IPMK: variants seen among roughly 807,000 people sequenced by gnomAD.
The protein encoded by IPMK is inositol polyphosphate multikinase, also known as inositol 1,3,4,6-tetrakisphosphate 5-kinase.
Under a neutral mutation model 45.8 loss-of-function variants are expected in IPMK, and 17 were observed. The ratio of observed to expected loss-of-function variants is 0.37; its 90% confidence interval spans 0.25 to 0.56. The LOEUF (loss-of-function observed/expected upper bound fraction) is 0.56. Ranked by LOEUF, IPMK falls within the 20% of genes least tolerant of loss-of-function variation. IPMK has a pLI of 0.79. For missense variants in IPMK, 399 were observed against 498.0 expected, an observed-to-expected ratio of 0.80 and a Z score of 1.89; for synonymous variants, 180 against 184.3, an observed-to-expected ratio of 0.98 and a Z score of 0.19.
At chr10:58,199,133 T>A (rs1176793343) in intron 5 of IPMK, 107 bp downstream of exon 5, 1 of 626,128 alleles carries the variant, frequency 1.6e-6, no homozygotes, top group Non-Finnish European at 2.7e-6. Flanking sequence ...ATTTAAAAAA[T>A]GTTTATTATG....
intron 1 of IPMK, among the ~76,000 whole-genome samples, chr10:58,247,379 A>G (rs1435820416): frequency 6.6e-6 from 1 of 151,548 alleles, no homozygotes; most frequent in African/African-American, 2.4e-5. Flanking sequence ...GGCATTATTC[A>G]CAATAGCAAA....
intron 4 of IPMK, among the ~76,000 whole-genome samples, chr10:58,209,454 G>A (rs575743070): frequency 1.3e-5 from 2 of 152,176 alleles, no homozygotes; most frequent in East Asian, 3.9e-4. Context: ...CTTTGATGTG[G>A]TGCTCTCCCT....
At chr10:58,200,978 C>T (rs1334586928) in intron 4 of IPMK, among the ~76,000 whole-genome samples, 1 of 151,846 alleles carries the variant, frequency 6.6e-6, no homozygotes, top group Non-Finnish European at 1.5e-5. Context: ...CAGTGTTTTT[C>T]CCACGCAGAA....
chr10:58,228,663 A>G (rs1431498811), intron 2 of IPMK, among the ~76,000 whole-genome samples: 4 of 152,196 alleles, frequency 2.6e-5, no homozygotes, highest in Admixed American at 2.6e-4. Context: ...CCTCCCGAGT[A>G]GCTGGGACTA....
chr10:58,237,612 G>C lies in IPMK; in HGVS notation c.276+117C>G, dbSNP rs75080000. ...ACGCACTGCTTTCCATGAAGCTTTT[G>C]TTTCCGTTACATACACACAGTGACT... On this transcript the variant is annotated intron_variant, in intron 2 of 5. Transcript: ENST00000373935. 4,329 of 734,302 alleles carry C rather than the reference G, an allele frequency of 5.9e-3. 122 individuals carry two copies. In the African/African-American group the frequency reaches 0.059, roughly 10 times the overall value. The allele number at this position is 734,302 out of a possible 1,614,324, so 45.5% of individuals were successfully genotyped here. A position where few individuals can be genotyped will look rare whatever the true frequency, so the allele number is the denominator to read the frequency against.
intron 5 of IPMK, among the ~76,000 whole-genome samples, chr10:58,197,578 A>G (rs1837922349): frequency 6.6e-6 from 1 of 151,212 alleles, no homozygotes; most frequent in South Asian, 2.1e-4. Context: ...TGAACCCAGA[A>G]GGCGGAGCTT....
At chr10:58,257,408 T>C (rs940425257) in intron 1 of IPMK, among the ~76,000 whole-genome samples, 1 of 152,072 alleles carries the variant, frequency 6.6e-6, no homozygotes, top group Non-Finnish European at 1.5e-5. Context: ...GGTATGAGAA[T>C]CTCTTGAACT....
rs1838637497 is a variant in IPMK, at chr10:58,237,831, A to C, written c.191-17T>G. On this transcript the variant is annotated splice_polypyrimidine_tract_variant and intron_variant, in intron 1 of 5. Coordinates refer to ENST00000373935, the MANE Select transcript of IPMK (RefSeq NM_152230.5). ...GCAGTATACCTATGGAACAAAAATC[A>C]GAAATTGTTTAATGCTTTAATAATA... 3.8e-6 allele frequency: 6 copies of C among 1,587,382 alleles called. No individual in the cohort carries two copies. The highest frequency in any genetic ancestry group is 1.7e-5 in the Admixed American group (1 of 59,926).
chr10:58,211,901 CAAAAAAAAAAAAA>C lies in IPMK; in HGVS notation c.546+4231_546+4243del, dbSNP rs753050298. On this transcript the variant is annotated intron_variant, in intron 4 of 5. Transcript: ENST00000373935. ...CACTCCAGCCTGGGTGACATCTCAC[CAAAAAAAAAAAAA>C]AAAAAAAAAAATTTGTTTTCATTGT... Among the ~76,000 whole-genome samples, 6 of 50,372 alleles carry C rather than the reference CAAAAAAAAAAAAA, an allele frequency of 1.2e-4. No individual in the cohort carries two copies. In the South Asian group the frequency reaches 2.7e-3, roughly 22 times the overall value. The allele number at this position is 50,372 out of a possible 152,430, so 33.0% of individuals were successfully genotyped here. A position where few individuals can be genotyped will look rare whatever the true frequency, so the allele number is the denominator to read the frequency against.
chr10:58,252,036 T>A (rs1838887612), intron 1 of IPMK, among the ~76,000 whole-genome samples: 1 of 152,160 alleles, frequency 6.6e-6, no homozygotes, highest in Admixed American at 6.5e-5. Context: ...TGTGGTTGTT[T>A]TGTAGATCTT....
rs534729380 is a variant in IPMK at position 58,247,697 on chromosome 10, C to T, written c.191-9883G>A. Reference sequence around the variant, plus strand: ...TGAGGGATAGCATTGGGAGATATACCTAATGCTAGATGGCGAGTTAGTGAG... The same window carrying T: ...TGAGGGATAGCATTGGGAGATATACTTAATGCTAGATGGCGAGTTAGTGAG... On this transcript the variant is annotated intron_variant, in intron 1 of 5. Coordinates refer to ENST00000373935, the MANE Select transcript of IPMK (RefSeq NM_152230.5). Among the ~76,000 whole-genome samples, 3 of 152,214 alleles carry T rather than the reference C, an allele frequency of 2.0e-5. No homozygotes were observed. In the South Asian group the frequency reaches 6.2e-4, roughly 32 times the overall value.
At chr10:58,235,946 TAG>T (rs907424948) in intron 2 of IPMK, among the ~76,000 whole-genome samples, 3 of 151,850 alleles carry the variant, frequency 2.0e-5, no homozygotes, top group African/African-American at 7.3e-5. Context: ...TTTTTTTTTT[TAG>T]AGAGAGTCTC....
rs1349435909 is a variant in IPMK, at chr10:58,207,294, C to G, written c.547-7973G>C. 2.0e-5 allele frequency among the ~76,000 whole-genome samples: 3 copies of G among 152,232 alleles called. No individual in the cohort carries two copies. The East Asian group carries it at 5.8e-4, about 29-fold the overall frequency. ...CTGGGATTACAGGCAATCACATTTT[C>G]TTTATCCATTCATTGGTTGACAGGC... On this transcript the variant is annotated intron_variant, in intron 4 of 5. Transcript: ENST00000373935.
At position 58,199,000 on chromosome 10, in the gene IPMK, T is replaced by A. The variant is rs77983635; in HGVS notation, c.628+240A>T. On this transcript the variant is annotated intron_variant, in intron 5 of 5. Coordinates refer to ENST00000373935, the MANE Select transcript of IPMK (RefSeq NM_152230.5). ...GGTACACAGCTGTTCATTTTTTTTT[T>A]AAGTATATTAATAAGAAATAAATGA... 8.7e-4 allele frequency among the ~76,000 whole-genome samples: 133 copies of A among 152,172 alleles called. 1 individual carries two copies. Among genetic ancestry groups the A allele is most frequent in the African/African-American group, 3.1e-3 (128 of 41,552 alleles).
At chr10:58,228,361 G>A (rs1333422734) in intron 2 of IPMK, among the ~76,000 whole-genome samples, 1 of 152,094 alleles carries the variant, frequency 6.6e-6, no homozygotes, top group Non-Finnish European at 1.5e-5. Flanking sequence ...TCTCTGTAAA[G>A]GCACAGAAAA....
chr10:58,236,962 T>G (rs1447488942), intron 2 of IPMK, among the ~76,000 whole-genome samples: 1 of 152,118 alleles, frequency 6.6e-6, no homozygotes, highest in East Asian at 1.9e-4. Context: ...TTCAGCCACT[T>G]AGGAGGCACA....
chr10:58,264,204 C>T (rs1053762424), intron 1 of IPMK, among the ~76,000 whole-genome samples: 7 of 152,174 alleles, frequency 4.6e-5, no homozygotes, highest in Non-Finnish European at 1.0e-4. Context: ...ATAATGTATG[C>T]AACCTACTTG....
intron 3 of IPMK, among the ~76,000 whole-genome samples, chr10:58,224,644 T>A (rs957774015): frequency 1.3e-5 from 2 of 152,196 alleles, no homozygotes; most frequent in African/African-American, 2.4e-5. Context: ...AATTATTATA[T>A]GATAATTTGT....
intron 5 of IPMK, among the ~76,000 whole-genome samples, chr10:58,197,952 C>G (rs1217416885): frequency 1.5e-5 from 2 of 129,168 alleles, no homozygotes; most frequent in Non-Finnish European, 1.6e-5. Flanking sequence ...TCACCTGAAC[C>G]TGGGAGGTTA....
Sources: gnomAD v4.1 joint callset for allele counts (sites outside exome capture counted in the v4.1 genomes callset) on GRCh38, gnomAD v4.1.1 for gene constraint, MANE v1.5 for transcripts, NCBI Gene and HGNC (gene_info 2026-07-23, HGNC 2026-07-21) for gene names.